Variants in SCAMP1 observed in about 807,000 individuals in gnomAD.
SCAMP1 encodes secretory carrier-associated membrane protein 1.
In SCAMP1, 15 loss-of-function variants were observed where a neutral mutation model predicts 41.8. The observed-to-expected ratio is 0.36, with a 90% CI of 0.24 to 0.55. The LOEUF (loss-of-function observed/expected upper bound fraction) is 0.55, where lower values mean the gene tolerates loss of function less well. Among genes scored for constraint, SCAMP1 ranks in the 20% least tolerant of loss-of-function variants. The pLI is 0.86. For synonymous variants in SCAMP1, 135 were observed against 136.8 expected (o/e 0.99, Z 0.09); for missense variants, 341 against 412.6 (o/e 0.83, Z 1.50).
At chr5:78,448,798 C>G (rs780146172) in intron 6 of SCAMP1, among the ~76,000 whole-genome samples, 1 of 151,924 alleles carries the variant, frequency 6.6e-6, no homozygotes, top group African/African-American at 2.4e-5. Context: ...GTTGGGAGTT[C>G]GAGACCAACC....
In SCAMP1 at chr5:78,399,479, T is replaced by A. The variant is rs146065340; in HGVS notation, c.135+10565T>A. On this transcript the variant is annotated intron_variant, in intron 2 of 8. Coordinates refer to ENST00000621999, the MANE Select transcript of SCAMP1 (RefSeq NM_004866.6). ...GTTGCTCTACATCCTCTCCAACATT[T>A]GGTGTTATCAGTGTTTTGGATTTTG... Among the ~76,000 whole-genome samples, 1,280 of 152,352 alleles carry A rather than the reference T, an allele frequency of 8.4e-3. 12 individuals carry two copies. Among genetic ancestry groups the A allele is most frequent in the Non-Finnish European group, 0.012 (845 of 68,024 alleles).
chr5:78,400,422 T>C (rs372939457), intron 2 of SCAMP1, among the ~76,000 whole-genome samples: 1 of 152,216 alleles, frequency 6.6e-6, no homozygotes, highest in South Asian at 2.1e-4. Flanking sequence ...GGGATTTTGA[T>C]TGGGATTGCG....
intron 2 of SCAMP1, among the ~76,000 whole-genome samples, chr5:78,406,348 A>AC (rs2112119415): frequency 6.6e-6 from 1 of 152,278 alleles, no homozygotes; most frequent in Admixed American, 6.5e-5. Flanking sequence ...ATTCTTTTAG[A>AC]CCCTACATAC....
chr5:78,415,026 T>C (rs1752175899), intron 2 of SCAMP1, among the ~76,000 whole-genome samples: 1 of 151,638 alleles, frequency 6.6e-6, no homozygotes. Flanking sequence ...CAGTCTTGGC[T>C]CACTGCAGCC....
At chr5:78,441,241 G>A (rs1194006498) in intron 6 of SCAMP1, among the ~76,000 whole-genome samples, 2 of 152,182 alleles carry the variant, frequency 1.3e-5, no homozygotes, top group African/African-American at 4.8e-5. Flanking sequence ...AGATGAACCA[G>A]GTACATCAGT....
At chr5:78,413,492 A>G (rs909985109) in intron 2 of SCAMP1, among the ~76,000 whole-genome samples, 3 of 149,008 alleles carry the variant, frequency 2.0e-5, no homozygotes, top group Non-Finnish European at 4.4e-5. Flanking sequence ...ATCTGGGCTC[A>G]CTGCAACCTC....
chr5:78,446,100 A>G (rs1043642876), intron 6 of SCAMP1, among the ~76,000 whole-genome samples: 1 of 152,240 alleles, frequency 6.6e-6, no homozygotes, highest in African/African-American at 2.4e-5. Context: ...AAATAAAACT[A>G]GACAAAAGTA....
intron 6 of SCAMP1, among the ~76,000 whole-genome samples, chr5:78,437,004 C>T (rs1029118406): frequency 3.9e-5 from 6 of 152,118 alleles, no homozygotes; most frequent in African/African-American, 9.7e-5. Flanking sequence ...TGGGAGTTCA[C>T]TCACAATTTG....
At chr5:78,370,093 A>G (rs757963416) in intron 1 of SCAMP1, among the ~76,000 whole-genome samples, 10 of 152,168 alleles carry the variant, frequency 6.6e-5, no homozygotes, top group Non-Finnish European at 1.3e-4. Context: ...TTCTGTATAT[A>G]TCTTTAAAAT....
At chr5:78,367,442 T>C (rs1240518746) in intron 1 of SCAMP1, among the ~76,000 whole-genome samples, 1 of 152,198 alleles carries the variant, frequency 6.6e-6, no homozygotes, top group Non-Finnish European at 1.5e-5. Flanking sequence ...TGCCTGCTGG[T>C]TACCTGGAGA....
At position 78,450,026 on chromosome 5, in the gene SCAMP1, G is replaced by T; in HGVS notation, c.726G>T (p.Trp242Cys). 1 of 1,543,698 alleles carries T rather than the reference G, an allele frequency of 6.5e-7. No individual in the cohort carries two copies. Residue 242 changes from tryptophan to cysteine, a missense_variant, in exon 7 of 9, where the codon TGG becomes TGT. Physicochemically the swap from Trp to Cys is radical, Grantham distance 215. Transcript: ENST00000621999. ...TCCAAGCTGCAGGATTTCATAACTG[G>T]GGCAATTGGTAAGTTTTTTTTTTTA... ...HVLQAAGFHN[W>C]GNCGWISSLT...
At chr5:78,451,688 C>T (rs947560043) in intron 7 of SCAMP1, among the ~76,000 whole-genome samples, 5 of 152,172 alleles carry the variant, frequency 3.3e-5, no homozygotes, top group East Asian at 1.9e-4. Flanking sequence ...GACAGAGTCT[C>T]GCCCTATCAC....
At chr5:78,416,401 G>T in intron 3 of SCAMP1, 140 bp from the exon 4 acceptor site, 1 of 570,296 alleles carries the variant, frequency 1.8e-6, no homozygotes, top group Non-Finnish European at 2.9e-6. Context: ...CTGTAACTAT[G>T]ATCTTCAGTA....
intron 2 of SCAMP1, among the ~76,000 whole-genome samples, chr5:78,410,288 C>T (rs541216768): frequency 1.3e-5 from 2 of 151,786 alleles, no homozygotes; most frequent in African/African-American, 4.8e-5. Flanking sequence ...CCTTTGCCCA[C>T]CCCTAATCCC....
intron 1 of SCAMP1, among the ~76,000 whole-genome samples, chr5:78,376,118 C>G (rs951571255): frequency 1.3e-5 from 2 of 152,082 alleles, no homozygotes; most frequent in Non-Finnish European, 2.9e-5. Context: ...ACGGTCCTAC[C>G]GATATGTGAT....
intron 6 of SCAMP1, among the ~76,000 whole-genome samples, chr5:78,439,317 C>G (rs1213370444): frequency 6.7e-6 from 1 of 149,216 alleles, no homozygotes; most frequent in Non-Finnish European, 1.5e-5. Flanking sequence ...CATCGATGGC[C>G]TTTACAATTT....
At chr5:78,365,335 G>A (rs1488702855) in intron 1 of SCAMP1, among the ~76,000 whole-genome samples, 1 of 151,714 alleles carries the variant, frequency 6.6e-6, no homozygotes, top group East Asian at 1.9e-4. Context: ...TTAGCTTGGC[G>A]TGGTGGCGGG....
intron 6 of SCAMP1, among the ~76,000 whole-genome samples, chr5:78,427,849 C>T (rs893527411): frequency 1.3e-5 from 2 of 151,966 alleles, no homozygotes; most frequent in Admixed American, 1.3e-4. Flanking sequence ...AATGTTTGTT[C>T]AAGTTTATTG....
At chr5:78,429,982 C>T (rs1180356741) in intron 6 of SCAMP1, among the ~76,000 whole-genome samples, 2 of 151,348 alleles carry the variant, frequency 1.3e-5, no homozygotes, top group African/African-American at 4.9e-5. Context: ...TTACATGTAA[C>T]AATGATTTTA....
Sources: gnomAD v4.1 joint callset for allele counts (sites outside exome capture counted in the v4.1 genomes callset) on GRCh38, gnomAD v4.1.1 for gene constraint, MANE v1.5 for transcripts, NCBI Gene and HGNC (gene_info 2026-07-23, HGNC 2026-07-21) for gene names.